The following CACNA2D1 variants were observed in gnomAD, a reference collection of about 807,000 sequenced individuals.
CACNA2D1 encodes calcium voltage-gated channel auxiliary subunit alpha2delta 1, also known as voltage-dependent calcium channel subunit alpha-2/delta-1.
A neutral mutation model predicts 171.5 loss-of-function variants in CACNA2D1; 53 were observed. That is an observed-to-expected ratio of 0.31 (90% CI 0.25 to 0.39). The LOEUF (loss-of-function observed/expected upper bound fraction) is 0.39. Ranked by LOEUF, CACNA2D1 falls within the 10% of genes least tolerant of loss-of-function variation. The pLI is 1.00. For missense variants in CACNA2D1, 903 were observed against 1,299.8 expected (o/e 0.69, Z 4.69); for synonymous variants, 442 against 443.1 (o/e 1.00, Z 0.03).
chr7:82,003,230 A>C (rs1332253910), intron 18 of CACNA2D1, among the ~76,000 whole-genome samples: 1 of 152,054 alleles, frequency 6.6e-6, no homozygotes, highest in Non-Finnish European at 1.5e-5. Context: ...TGTTCAGAAT[A>C]ATTTCTTTTT....
intron 1 of CACNA2D1, among the ~76,000 whole-genome samples, chr7:82,437,910 T>G (rs919808245): frequency 6.6e-6 from 1 of 152,184 alleles, no homozygotes; most frequent in Admixed American, 6.5e-5. Context: ...ATATGTTTAA[T>G]TCTAAATTTC....
chr7:82,133,665 T>A (rs1355688685), intron 5 of CACNA2D1, among the ~76,000 whole-genome samples: 1 of 152,182 alleles, frequency 6.6e-6, no homozygotes, highest in Non-Finnish European at 1.5e-5. Flanking sequence ...AAAATTAAAC[T>A]CCAAGGTAGA....
intron 6 of CACNA2D1, among the ~76,000 whole-genome samples, chr7:82,113,434 A>C (rs1788674988): frequency 6.6e-6 from 1 of 152,180 alleles, no homozygotes; most frequent in Non-Finnish European, 1.5e-5. Flanking sequence ...GTCCTCTAAA[A>C]GAAAAGGAGC....
At chr7:82,279,862 T>G (rs2129370841) in intron 3 of CACNA2D1, among the ~76,000 whole-genome samples, 1 of 152,302 alleles carries the variant, frequency 6.6e-6, no homozygotes, top group African/African-American at 2.4e-5. Context: ...AGATTGTGTC[T>G]TACCACAAGA....
At position 81,964,503 on chromosome 7, in the gene CACNA2D1, A is replaced by AT. The variant is rs1232645900; in HGVS notation, c.2575-145_2575-144insA. The AT allele has an allele frequency of 3.9e-5, 25 of 645,628 alleles. No individual in the cohort carries two copies. In the East Asian group the frequency reaches 6.8e-4, roughly 18 times the overall value. The allele number at this position is 645,628 out of a possible 1,614,324, so 40.0% of individuals were successfully genotyped here. A position where few individuals can be genotyped will look rare whatever the true frequency, so the allele number is the denominator to read the frequency against. On this transcript the variant is annotated intron_variant, in intron 32 of 38. Transcript: ENST00000356860. ...GCTTAAAAACAAAAGCAAATGAGAAACGTGTATATGACACTGTGAACAAAC... is the reference window on the plus strand; with the variant it reads ...GCTTAAAAACAAAAGCAAATGAGAAATCGTGTATATGACACTGTGAACAAAC...
At chr7:82,404,607 A>C (rs1585839558) in intron 1 of CACNA2D1, among the ~76,000 whole-genome samples, 1 of 152,256 alleles carries the variant, frequency 6.6e-6, no homozygotes, top group Non-Finnish European at 1.5e-5. Context: ...GTAATGCATT[A>C]AAGAATTTTG....
At chr7:82,145,966 A>G (rs1792989022) in intron 4 of CACNA2D1, among the ~76,000 whole-genome samples, 1 of 151,768 alleles carries the variant, frequency 6.6e-6, no homozygotes, top group Admixed American at 6.6e-5. Flanking sequence ...ATCACTTTAC[A>G]TTTCTTCATC....
In CACNA2D1 at chr7:82,366,903, C is replaced by CTTTTTTTTTTTTT. The variant is rs71093376; in HGVS notation, c.96-17267_96-17255dup. On this transcript the variant is annotated intron_variant, in intron 1 of 38. Coordinates refer to ENST00000356860, the MANE Select transcript of CACNA2D1 (RefSeq NM_000722.4). Reference sequence around the variant, plus strand: ...CCTGCCAGCATCCACTGGTTTTGACCTTTTTTTTTTTTTTTTTTTTTTTGA... The same window carrying CTTTTTTTTTTTTT: ...CCTGCCAGCATCCACTGGTTTTGACCTTTTTTTTTTTTTTTTTTTTTTTTTTTTTTTTTTTTGA... Among the ~76,000 whole-genome samples the CTTTTTTTTTTTTT allele has an allele frequency of 9.4e-3, 820 of 86,942 alleles. 72 individuals carry two copies. Among genetic ancestry groups the CTTTTTTTTTTTTT allele is most frequent in the Non-Finnish European group, 0.016 (676 of 43,348 alleles). 57.0% of individuals were successfully genotyped at this position (86,942 alleles called of 152,430 possible). A position where few individuals can be genotyped will look rare whatever the true frequency, so the allele number is the denominator to read the frequency against.
intron 20 of CACNA2D1, 57 bp from the exon 21 acceptor site, chr7:81,991,303 A>G (rs1797518043): frequency 1.2e-6 from 1 of 867,906 alleles, no homozygotes. Flanking sequence ...AATATATACG[A>G]AAAGTAAAGC....
At chr7:81,969,054 G>T in intron 28 of CACNA2D1, 81 bp from the exon 29 acceptor site, 1 of 841,498 alleles carries the variant, frequency 1.2e-6, no homozygotes, top group South Asian at 1.5e-5. Flanking sequence ...AGATACAAAT[G>T]GATAGTATTT....
In CACNA2D1 at chr7:82,349,308, A is replaced by G. The variant is rs13245449; in HGVS notation, c.177+260T>C. Among the ~76,000 whole-genome samples the G allele has an allele frequency of 0.28, 42,416 of 152,006 alleles. 7,507 individuals carry two copies. The highest frequency in any genetic ancestry group is 0.53 in the East Asian group (2,705 of 5,134). ...TTCCCTATTTAAATTTACGGAGAGT[A>G]TACATAACACGCAGACTCACTTAAG... On this transcript the variant is annotated intron_variant, in intron 2 of 38. Transcript: ENST00000356860.
chr7:82,107,389 T>G (rs2129043850), intron 6 of CACNA2D1, among the ~76,000 whole-genome samples: 1 of 152,108 alleles, frequency 6.6e-6, no homozygotes, highest in South Asian at 2.1e-4. Context: ...CTGCCCTAAG[T>G]TATCCAGACA....
At chr7:82,296,920 T>A (rs1036368013) in intron 3 of CACNA2D1, among the ~76,000 whole-genome samples, 26 of 152,010 alleles carry the variant, frequency 1.7e-4, no homozygotes, top group African/African-American at 6.3e-4. Context: ...GGGTTTAGGA[T>A]ACTATTATTT....
intron 3 of CACNA2D1, among the ~76,000 whole-genome samples, chr7:82,206,990 A>T (rs1800064065): frequency 6.6e-6 from 1 of 152,236 alleles, no homozygotes; most frequent in Non-Finnish European, 1.5e-5. Context: ...AAACATAGTT[A>T]TAAAATTGCA....
intron 1 of CACNA2D1, among the ~76,000 whole-genome samples, chr7:82,386,624 T>G (rs1455506144): frequency 6.6e-6 from 1 of 151,924 alleles, no homozygotes; most frequent in Admixed American, 6.6e-5. Context: ...TCCCAGCTAC[T>G]CGCAAGGCTG....
chr7:82,291,654 T>G (rs1237106799), intron 3 of CACNA2D1, among the ~76,000 whole-genome samples: 3 of 138,458 alleles, frequency 2.2e-5, no homozygotes, highest in Non-Finnish European at 4.5e-5. Flanking sequence ...TGTGTGCATA[T>G]ATATATATTT....
chr7:82,292,751 T>C (rs1811805231), intron 3 of CACNA2D1, among the ~76,000 whole-genome samples: 1 of 152,156 alleles, frequency 6.6e-6, no homozygotes, highest in Admixed American at 6.5e-5. Flanking sequence ...CACTTCCTAC[T>C]TATGATGTCT....
intron 1 of CACNA2D1, among the ~76,000 whole-genome samples, chr7:82,395,515 T>C (rs1203197762): frequency 2.0e-5 from 3 of 152,234 alleles, no homozygotes; most frequent in Admixed American, 6.6e-5. Flanking sequence ...GCATGTCTCA[T>C]ATAAGCATGT....
At chr7:82,330,719 G>A (rs1469466694) in intron 3 of CACNA2D1, among the ~76,000 whole-genome samples, 1 of 152,052 alleles carries the variant, frequency 6.6e-6, no homozygotes, top group East Asian at 1.9e-4. Flanking sequence ...CTATTATCTA[G>A]ATCATCGAAT....
Sources: gnomAD v4.1 joint callset for allele counts (sites outside exome capture counted in the v4.1 genomes callset) on GRCh38, gnomAD v4.1.1 for gene constraint, MANE v1.5 for transcripts, NCBI Gene and HGNC (gene_info 2026-07-23, HGNC 2026-07-21) for gene names.